The following SAFB2 variants were observed in gnomAD, a reference collection of about 807,000 sequenced individuals.
SAFB2 encodes scaffold attachment factor B2.
A neutral mutation model predicts 100.6 loss-of-function variants in SAFB2; 32 were observed. The observed-to-expected ratio is 0.32, with a 90% CI of 0.24 to 0.43. The LOEUF (loss-of-function observed/expected upper bound fraction) is 0.43. Ranked by LOEUF, SAFB2 falls within the 20% of genes least tolerant of loss-of-function variation. The probability of loss-of-function intolerance (pLI) is 1.00; values close to 1 mark genes in which losing one functional copy is unlikely to be tolerated. For synonymous variants in SAFB2, 500 were observed against 439.4 expected, an observed-to-expected ratio of 1.14 and a Z score of -1.72; for missense variants, 1,185 against 1,163.4, an observed-to-expected ratio of 1.02 and a Z score of -0.27.
chr19:5,622,334 G>A (rs1032673266), intron 1 of SAFB2, among the ~76,000 whole-genome samples, 196 bp downstream of exon 1: 2 of 152,306 alleles, frequency 1.3e-5, no homozygotes, highest in African/African-American at 4.8e-5. Context: ...AAGAGGATAG[G>A]AAGGGAGGCA....
chr19:5,587,581 A>T lies in SAFB2; in HGVS notation c.2705+120T>A. ...AGCGTTATTTGCATAAATTGCAAAGAGCTGCTTTTTGCTTTGTTTTCATAA... is the reference window on the plus strand; with the variant it reads ...AGCGTTATTTGCATAAATTGCAAAGTGCTGCTTTTTGCTTTGTTTTCATAA... On this transcript the variant is annotated intron_variant, in intron 20 of 20. Transcript: ENST00000252542. The surrounding 1 kb of genome is among the most constrained non-coding windows in gnomAD (Gnocchi z 4.9). 6.9e-6 allele frequency: 10 copies of T among 1,453,736 alleles called. No homozygotes were observed. The highest frequency in any genetic ancestry group is 9.1e-6 in the Non-Finnish European group (10 of 1,094,046). 90.1% of individuals were successfully genotyped at this position (1,453,736 alleles called of 1,614,324 possible).
At position 5,622,493 on chromosome 19, in the gene SAFB2, G is replaced by T; in HGVS notation, c.186+37C>A. The T allele has an allele frequency of 3.3e-6, 5 of 1,515,838 alleles. 1 individual carries two copies. The South Asian group carries it at 6.3e-5, about 19-fold the overall frequency. 93.9% of individuals were successfully genotyped at this position (1,515,838 alleles called of 1,614,324 possible). ...CAGGTGCAGGCGGGGGCGTGCCCGG[G>T]CCTCCTGCGCCACCCCCGAGCCCCG... On this transcript the variant is annotated intron_variant, in intron 1 of 20. Coordinates refer to ENST00000252542, the MANE Select transcript of SAFB2 (RefSeq NM_014649.3).
Position 5,600,209 on chromosome 19 carries a change from A to G in SAFB2, c.1611T>C (p.Pro537=). The change falls in exon 12 of 21, where the codon CCT becomes CCC. Residue 537 remains proline (P), a synonymous_variant. Transcript: ENST00000252542. ...CTTTTTCTTCCTTCTTAATGTCTTC[A>G]GGCTTTTTTTCCTCCTTCTTCTCAA... ...EKIEKKEEKK[P]EDIKKEEKDQ... The G allele has an allele frequency of 1.2e-6, 2 of 1,613,744 alleles. No homozygotes were observed. The highest frequency in any genetic ancestry group is 1.7e-6 in the Non-Finnish European group (2 of 1,179,848).
chr19:5,611,039 A>C, intron 7 of SAFB2, 81 bp downstream of exon 7: 1 of 301,168 alleles, frequency 3.3e-6, no homozygotes, highest in Non-Finnish European at 6.1e-6. Context: ...GGCCAATTGC[A>C]GAAAAAAACA....
rs1240515488 is a variant in SAFB2 at position 5,616,419 on chromosome 19, T to A, written c.339+3A>T. 1 of 1,614,096 alleles carries A rather than the reference T, an allele frequency of 6.2e-7. No individual in the cohort carries two copies. Among genetic ancestry groups the A allele is most frequent in the Admixed American group, 1.7e-5 (1 of 60,014 alleles). ...TTGTCATCTCTACCCTGACATCACT[T>A]ACCTGCCCGTCTCTGGAATCGTCTT... On this transcript the variant is annotated splice_donor_region_variant and intron_variant, in intron 3 of 20. Coordinates refer to ENST00000252542, the MANE Select transcript of SAFB2 (RefSeq NM_014649.3).
chr19:5,588,138 A>C (rs1049122194), intron 18 of SAFB2, among the ~76,000 whole-genome samples, 158 bp from the exon 19 acceptor site: 4 of 152,148 alleles, frequency 2.6e-5, no homozygotes, highest in Admixed American at 2.0e-4. Flanking sequence ...CATTTCCCCA[A>C]AGACAGATGT....
intron 17 of SAFB2, 27 bp downstream of exon 17, chr19:5,591,721 A>G (rs760799247): frequency 1.9e-6 from 3 of 1,609,336 alleles, no homozygotes; most frequent in African/African-American, 1.3e-5. Flanking sequence ...CAGTGGCCCC[A>G]GGGCTTGGCA....
chr19:5,587,947 C>A lies in SAFB2; in HGVS notation c.2559G>T (p.Arg853=), dbSNP rs1216473415. The A allele has an allele frequency of 6.2e-7, 1 of 1,612,994 alleles. No homozygotes were observed. Among genetic ancestry groups the A allele is most frequent in the Admixed American group, 1.7e-5 (1 of 59,994 alleles). The change falls in exon 19 of 21, where the codon CGG becomes CGT. Residue 853 remains arginine (R), a synonymous_variant. Transcript: ENST00000252542. The surrounding 1 kb of genome is among the most constrained non-coding windows in gnomAD (Gnocchi z 4.9). The part of the protein sequence containing the change: ...GGRDWGEHNQ[R]LEEHQARAWQ... ...AGGCGCGTGCCTGGTGCTCCTCTAGCCGCTGGTTGTGCTCTCCCCAGTCAC... is the reference window on the plus strand; with the variant it reads ...AGGCGCGTGCCTGGTGCTCCTCTAGACGCTGGTTGTGCTCTCCCCAGTCAC...
intron 11 of SAFB2, 21 bp from the exon 12 acceptor site, chr19:5,600,281 C>T: frequency 2.5e-6 from 4 of 1,609,578 alleles, no homozygotes; most frequent in African/African-American, 1.3e-5. Flanking sequence ...ACATGGTTAT[C>T]AAATTTGAGT....
chr19:5,595,347 C>T lies in SAFB2; in HGVS notation c.1919+14G>A. 1 of 1,606,664 alleles carries T rather than the reference C, an allele frequency of 6.2e-7. No homozygotes were observed. ...GGAAACCACCAGCCCACAGCCTCAC[C>T]CAGCTCCACTCACCGCCGCCTCTCC... On this transcript the variant is annotated intron_variant, in intron 14 of 20. Coordinates refer to ENST00000252542, the MANE Select transcript of SAFB2 (RefSeq NM_014649.3).
intron 4 of SAFB2, 194 bp from the exon 5 acceptor site, chr19:5,613,721 G>A (rs1295392946): frequency 2.2e-5 from 22 of 985,304 alleles, no homozygotes; most frequent in Middle Eastern, 5.2e-4. Context: ...CTCCACCAGC[G>A]TCTCTGGCAG....
In SAFB2 at chr19:5,604,906, G is replaced by A. The variant is rs2052740639; in HGVS notation, c.1327C>T (p.Arg443Cys). ...VVGAKVVTNA[R>C]SPGARCYGFV... ...CCATAGCATCGAGCCCCCGGGCTGC[G>A]GGCGTTCGTTACCACTTTGGCCCCG... The change falls in exon 10 of 21, where the codon CGC becomes TGC. Residue 443 changes from arginine to cysteine, a missense_variant. This residue lies in a region of SAFB2 where 94 missense variants were observed against 135.1 expected (regional missense o/e 0.70). Transcript: ENST00000252542. 3 of 1,613,642 alleles carry A rather than the reference G, an allele frequency of 1.9e-6. No homozygotes were observed. Among genetic ancestry groups the A allele is most frequent in the East Asian group, 4.5e-5 (2 of 44,876 alleles).
At chr19:5,606,173 T>A (rs907633004) in intron 9 of SAFB2, among the ~76,000 whole-genome samples, 1 of 152,206 alleles carries the variant, frequency 6.6e-6, no homozygotes, top group Non-Finnish European at 1.5e-5. Flanking sequence ...CACTGCCCAG[T>A]GGTGAGACAA....
At position 5,622,536 on chromosome 19, in the gene SAFB2, G is replaced by C. The variant is rs1432237553; in HGVS notation, c.180C>G (p.Leu60=). The C allele has an allele frequency of 3.1e-6, 5 of 1,610,742 alleles. No homozygotes were observed. Among genetic ancestry groups the C allele is most frequent in the Non-Finnish European group, 3.4e-6 (4 of 1,178,838 alleles). The part of the protein sequence containing the change: ...GGNKSVLMER[L]KKAVKEEGQD... The stretch of plus-strand genomic sequence containing the variant: ...GAGCCCCGCGCCGCCTCACCTTCTT[G>C]AGCCGCTCCATCAGGACGCTCTTGT... Residue 60 remains leucine (L), a synonymous_variant, in exon 1 of 21, where the codon CTC becomes CTG. Coordinates refer to ENST00000252542, the MANE Select transcript of SAFB2 (RefSeq NM_014649.3).
intron 9 of SAFB2, among the ~76,000 whole-genome samples, chr19:5,609,070 A>G (rs1218164420): frequency 1.3e-5 from 2 of 151,030 alleles, no homozygotes; most frequent in Non-Finnish European, 3.0e-5. Context: ...AAAAAAAAAA[A>G]AAAAGAACAA....
Position 5,594,182 on chromosome 19 carries a change from C to T in SAFB2, c.1920-4G>A, listed in dbSNP as rs774694937. 6.3e-7 allele frequency: 1 copy of T among 1,585,946 alleles called. No individual in the cohort carries two copies. Among genetic ancestry groups the T allele is most frequent in the Non-Finnish European group, 8.5e-7 (1 of 1,172,594 alleles). ...CCGCTCCCGCTGCTCGCGCTCCCTG[C>T]GGGGACAGGTGAGGCTGCCCTGAAC... On this transcript the variant is annotated splice_polypyrimidine_tract_variant and splice_region_variant and intron_variant, in intron 14 of 20. Transcript: ENST00000252542.
At position 5,587,177 on chromosome 19, in the gene SAFB2, G is replaced by A. The variant is rs961424957; in HGVS notation, c.*66C>T. 93 of 1,583,122 alleles carry A rather than the reference G, an allele frequency of 5.9e-5. No individual in the cohort carries two copies. Among genetic ancestry groups the A allele is most frequent in the African/African-American group, 8.1e-5 (6 of 74,252 alleles). On this transcript the variant is annotated 3_prime_UTR_variant, in exon 21 of 21. Transcript: ENST00000252542. The surrounding 1 kb of genome is among the most constrained non-coding windows in gnomAD (Gnocchi z 4.9). ...GCTTTTAAAAAGATCCCCCAAGTTC[G>A]AGGGAACCCTGGCTACCAGATTCAA...
chr19:5,588,430 A>G (rs2240236), intron 18 of SAFB2, among the ~76,000 whole-genome samples: 6,391 of 152,316 alleles, frequency 0.042, 160 homozygotes, highest in South Asian at 0.094. Flanking sequence ...GGCCAAAGAC[A>G]TCTGTGCATG....
chr19:5,603,937 T>A (rs2052717563), intron 11 of SAFB2, among the ~76,000 whole-genome samples: 1 of 152,168 alleles, frequency 6.6e-6, no homozygotes, highest in Non-Finnish European at 1.5e-5. Flanking sequence ...TCAACGTGGA[T>A]GAGGAAATGA....
Sources: gnomAD v4.1 joint callset for allele counts (sites outside exome capture counted in the v4.1 genomes callset) on GRCh38, gnomAD v4.1.1 for gene constraint, gnomAD v4.1.1 regional missense constraint, Gnocchi (gnomAD v3.1) non-coding constraint, MANE v1.5 for transcripts, NCBI Gene and HGNC (gene_info 2026-07-23, HGNC 2026-07-21) for gene names.